The following SOX5 variants were observed in gnomAD, a reference collection of about 807,000 sequenced individuals.
The protein encoded by SOX5 is SRY-box transcription factor 5.
In SOX5, 9 loss-of-function variants were observed where a neutral mutation model predicts 92.0. The ratio of observed to expected loss-of-function variants is 0.10; its 90% CI spans 0.06 to 0.17. SOX5 has a LOEUF of 0.17. SOX5 is among the 10% of genes least tolerant of loss of function. The probability of loss-of-function intolerance (pLI) is 1.00; values close to 1 mark genes in which losing one functional copy is unlikely to be tolerated. For synonymous variants in SOX5, 344 were observed against 336.3 expected (o/e 1.02, Z -0.25); for missense variants, 642 against 944.5 (o/e 0.68, Z 4.20).
chr12:24,197,811 GCGTATC>G (rs376915637), intron 4 of SOX5, among the ~76,000 whole-genome samples: 46 of 152,254 alleles, frequency 3.0e-4, no homozygotes, highest in African/African-American at 1.1e-3. Context: ...GACTGCATCC[GCGTATC>G]CACTGTCACT....
At chr12:24,431,665 A>T (rs1167767218) in intron 1 of SOX5, among the ~76,000 whole-genome samples, 1 of 152,224 alleles carries the variant, frequency 6.6e-6, no homozygotes, top group Non-Finnish European at 1.5e-5. Flanking sequence ...AGCACTACAC[A>T]TCTTGCATAG....
chr12:24,281,995 T>C (rs929615056), intron 2 of SOX5, among the ~76,000 whole-genome samples: 2 of 152,132 alleles, frequency 1.3e-5, no homozygotes, highest in Non-Finnish European at 2.9e-5. Flanking sequence ...AAATTTCTGA[T>C]GGTCAATTTC....
chr12:24,137,488 C>T (rs568880203), intron 4 of SOX5, among the ~76,000 whole-genome samples: 2 of 151,960 alleles, frequency 1.3e-5, no homozygotes, highest in African/African-American at 2.4e-5. Context: ...AAAAATTAGC[C>T]GGGCATGGTG....
At chr12:24,390,906 C>T (rs1314092413) in intron 1 of SOX5, among the ~76,000 whole-genome samples, 1 of 152,056 alleles carries the variant, frequency 6.6e-6, no homozygotes, top group East Asian at 1.9e-4. Context: ...GCAGGTATAC[C>T]TTGGACATAT....
intron 8 of SOX5, among the ~76,000 whole-genome samples, chr12:23,620,726 C>T (rs1210852492): frequency 3.9e-5 from 6 of 152,040 alleles, no homozygotes; most frequent in Admixed American, 3.9e-4. Flanking sequence ...TTCATTTTTA[C>T]TTTCATTGAC....
At chr12:24,476,011 A>AT (rs1945342968) in intron 1 of SOX5, among the ~76,000 whole-genome samples, 1 of 151,540 alleles carries the variant, frequency 6.6e-6, no homozygotes, top group Non-Finnish European at 1.5e-5. Context: ...AAAAAAAAAA[A>AT]AAAGCAGAAG....
chr12:24,328,266 C>A (rs1950936395), intron 2 of SOX5, among the ~76,000 whole-genome samples: 1 of 152,160 alleles, frequency 6.6e-6, no homozygotes. Flanking sequence ...GAAACCTTAA[C>A]AATATGTCCA....
intron 2 of SOX5, among the ~76,000 whole-genome samples, chr12:23,858,510 C>T (rs1305062758): frequency 6.6e-6 from 1 of 152,084 alleles, no homozygotes; most frequent in Non-Finnish European, 1.5e-5. Context: ...TCACACCAGT[C>T]AGAATGGCTA....
chr12:24,349,351 A>G (rs1336117792), intron 2 of SOX5, among the ~76,000 whole-genome samples: 1 of 152,214 alleles, frequency 6.6e-6, no homozygotes, highest in Non-Finnish European at 1.5e-5. Flanking sequence ...AAGTACATTC[A>G]TATTGCTGTG....
intron 3 of SOX5, among the ~76,000 whole-genome samples, chr12:23,816,363 C>T (rs1342044712): frequency 1.3e-5 from 2 of 151,888 alleles, no homozygotes; most frequent in South Asian, 2.1e-4. Context: ...GTGCGCACCA[C>T]GATGCCCGGC....
chr12:24,554,199 C>T (rs1157789305), intron 1 of SOX5, among the ~76,000 whole-genome samples: 1 of 152,180 alleles, frequency 6.6e-6, no homozygotes, highest in Non-Finnish European at 1.5e-5. Context: ...TCCTGAATTA[C>T]ACCGGTACAT....
At chr12:23,711,929 G>A (rs1205398136) in intron 6 of SOX5, among the ~76,000 whole-genome samples, 1 of 152,060 alleles carries the variant, frequency 6.6e-6, no homozygotes, top group Non-Finnish European at 1.5e-5. Flanking sequence ...CACCATCTTG[G>A]TGCTCTAATT....
chr12:23,911,022 A>AT (rs2097346335), intron 1 of SOX5, among the ~76,000 whole-genome samples: 1 of 152,052 alleles, frequency 6.6e-6, no homozygotes, highest in Non-Finnish European at 1.5e-5. Context: ...ACTTCCTATT[A>AT]TTTTTTCTTA....
chr12:24,027,917 T>C (rs1281165060), intron 4 of SOX5, among the ~76,000 whole-genome samples: 1 of 151,936 alleles, frequency 6.6e-6, no homozygotes, highest in Non-Finnish European at 1.5e-5. Flanking sequence ...ACGAAAAACA[T>C]CTTTAACAAG....
intron 2 of SOX5, among the ~76,000 whole-genome samples, chr12:24,316,739 A>G (rs1949728910): frequency 6.6e-6 from 1 of 152,218 alleles, no homozygotes; most frequent in South Asian, 2.1e-4. Context: ...TTTTTAAGTT[A>G]AAAAATAGAG....
intron 3 of SOX5, among the ~76,000 whole-genome samples, chr12:23,817,605 CA>C (rs1431395100): frequency 6.6e-6 from 1 of 152,120 alleles, no homozygotes; most frequent in Admixed American, 6.6e-5. Flanking sequence ...GCACTTAAAG[CA>C]AATTGGCTAG....
intron 2 of SOX5, among the ~76,000 whole-genome samples, chr12:24,325,325 T>C (rs1013869299): frequency 6.6e-6 from 1 of 152,180 alleles, no homozygotes; most frequent in Admixed American, 6.5e-5. Flanking sequence ...CAATCTTTTA[T>C]AGTTTATTTA....
intron 4 of SOX5, among the ~76,000 whole-genome samples, chr12:23,744,091 A>G (rs2093898517): frequency 6.6e-6 from 1 of 152,108 alleles, no homozygotes; most frequent in African/African-American, 2.4e-5. Flanking sequence ...GACTTCCTAG[A>G]CATGATTTCA....
chr12:24,435,387 G>T (rs1939215204), intron 1 of SOX5, among the ~76,000 whole-genome samples: 1 of 152,212 alleles, frequency 6.6e-6, no homozygotes, highest in Non-Finnish European at 1.5e-5. Context: ...TATTTTTTAA[G>T]TTATTTCAGA....
Sources: gnomAD v4.1 joint callset for allele counts (sites outside exome capture counted in the v4.1 genomes callset) on GRCh38, gnomAD v4.1.1 for gene constraint, MANE v1.5 for transcripts, NCBI Gene and HGNC (gene_info 2026-07-23, HGNC 2026-07-21) for gene names.